Variants in SMDT1 observed in about 807,000 individuals in gnomAD.
SMDT1 encodes single-pass membrane protein with aspartate rich tail 1, also known as essential MCU regulator, mitochondrial.
A neutral mutation model predicts 5.9 loss-of-function variants in SMDT1; 6 were observed. That is an observed-to-expected ratio of 1.03 (90% confidence interval 0.56 to 2.02). The LOEUF is 2.02. Among genes scored for constraint, SMDT1 ranks in the 30% most tolerant of loss-of-function variants. The pLI is 0.00. For missense variants in SMDT1, 159 were observed against 145.6 expected (o/e 1.09, Z -0.47); for synonymous variants, 81 against 62.4 (o/e 1.30, Z -1.40).
Position 42,079,907 on chromosome 22 carries a change from T to A in SMDT1, c.139T>A (p.Ser47Thr), listed in dbSNP as rs376503940. The A allele has an allele frequency of 1.1e-5, 17 of 1,613,612 alleles. No homozygotes were observed. The highest frequency in any genetic ancestry group is 2.7e-5 in the African/African-American group (2 of 74,888). Reference protein sequence around the residue: ...GSGRSLVPSRSVIVTRSGAIL... With the variant: ...GSGRSLVPSRTVIVTRSGAIL... ...AGGCCGGAGCCTGGTACCGTCGAGG[T>A]CAGTCATCGTTACCCGCAGCGGCGC... Residue 47 changes from serine to threonine, a missense_variant, in exon 1 of 3, where the codon TCA becomes ACA. Ser to Thr is a moderately conservative substitution (Grantham distance 58). Coordinates refer to ENST00000331479, the MANE Select transcript of SMDT1 (RefSeq NM_033318.5).
chr22:42,079,736 G>T lies in SMDT1; in HGVS notation c.-33G>T. The T allele has an allele frequency of 6.3e-7, 1 of 1,584,076 alleles. No individual in the cohort carries two copies. ...CGGCACGAGGGCTGGGCGGTGGGGTGCGGGTGCCCGGGTGAGGGGCGGAGC... is the reference window on the plus strand; with the variant it reads ...CGGCACGAGGGCTGGGCGGTGGGGTTCGGGTGCCCGGGTGAGGGGCGGAGC... On this transcript the variant is annotated 5_prime_UTR_variant, in exon 1 of 3. Transcript: ENST00000331479.
intron 1 of SMDT1, among the ~76,000 whole-genome samples, chr22:42,081,041 C>T (rs1187525625): frequency 4.6e-5 from 7 of 152,258 alleles, no homozygotes; most frequent in South Asian, 4.1e-4. Flanking sequence ...CTGGTGCACC[C>T]GATTGCCTGT....
At chr22:42,082,156 G>A in intron 2 of SMDT1, 91 bp downstream of exon 2, 3 of 1,498,576 alleles carry the variant, frequency 2.0e-6, no homozygotes, top group South Asian at 2.4e-5. Context: ...TTTGGACACT[G>A]GGGGCAGAAG....
chr22:42,080,323 T>C (rs1253864536), intron 1 of SMDT1, among the ~76,000 whole-genome samples: 1 of 152,208 alleles, frequency 6.6e-6, no homozygotes, highest in Non-Finnish European at 1.5e-5. Context: ...GAAAGGACTC[T>C]GTAAATAAAG....
chr22:42,082,107 G>T (rs781482157), intron 2 of SMDT1, 42 bp downstream of exon 2: 1 of 1,601,418 alleles, frequency 6.2e-7, no homozygotes, highest in South Asian at 1.1e-5. Flanking sequence ...AAGCAGGGTG[G>T]AGCATCTGTC....
intron 1 of SMDT1, among the ~76,000 whole-genome samples, 165 bp downstream of exon 1, chr22:42,080,119 G>A (rs1927662515): frequency 6.6e-6 from 1 of 152,194 alleles, no homozygotes; most frequent in South Asian, 2.1e-4. Flanking sequence ...TGACAGGTGT[G>A]TAGAAAATGG....
intron 2 of SMDT1, 76 bp downstream of exon 2, chr22:42,082,141 C>G (rs1927837638): frequency 1.3e-6 from 2 of 1,566,784 alleles, no homozygotes; most frequent in Non-Finnish European, 1.7e-6. Context: ...GGCCTGGTAG[C>G]AGCATTTGGA....
intron 1 of SMDT1, among the ~76,000 whole-genome samples, chr22:42,081,547 G>A (rs750081526): frequency 3.3e-5 from 5 of 151,576 alleles, no homozygotes; most frequent in Non-Finnish European, 7.4e-5. Context: ...TGCAACTTCT[G>A]CCTCCTGGAT....
In SMDT1 at chr22:42,079,702, T is replaced by TCCCGAGGGCGG. The variant is rs1927589369; in HGVS notation, c.-65_-55dup. On this transcript the variant is annotated 5_prime_UTR_variant, in exon 1 of 3. Transcript: ENST00000331479. ...CTCGCGAGGCTTCGGGCGGCTTTCT[T>TCCCGAGGGCGG]CCCGAGGGCGGCACGAGGGCTGGGC... 3 of 1,517,964 alleles carry TCCCGAGGGCGG rather than the reference T, an allele frequency of 2.0e-6. No homozygotes were observed. 94.0% of individuals were successfully genotyped at this position (1,517,964 alleles called of 1,614,324 possible).
Position 42,083,946 on chromosome 22 carries a change from G to A in SMDT1, c.*831G>A, listed in dbSNP as rs1927982654. 6.6e-6 allele frequency: 1 copy of A among 152,164 alleles called. No individual in the cohort carries two copies. Among genetic ancestry groups the A allele is most frequent in the South Asian group, 2.1e-4 (1 of 4,828 alleles). 9.4% of individuals were successfully genotyped at this position (152,164 alleles called of 1,614,324 possible). On this transcript the variant is annotated 3_prime_UTR_variant, in exon 3 of 3. Transcript: ENST00000331479. ...TACCTTGTCTGATTTTAGGTCATGA[G>A]ACCCCCATTTCAGAAGGGATTCTGC...
At chr22:42,081,189 G>A (rs1188867461) in intron 1 of SMDT1, among the ~76,000 whole-genome samples, 5 of 149,058 alleles carry the variant, frequency 3.4e-5, no homozygotes, top group Admixed American at 1.3e-4. Context: ...TTTTTGAGAC[G>A]GAGTCTCACT....
At position 42,079,744 on chromosome 22, in the gene SMDT1, C is replaced by T; in HGVS notation, c.-25C>T. 1 of 1,589,754 alleles carries T rather than the reference C, an allele frequency of 6.3e-7. No individual in the cohort carries two copies. Among genetic ancestry groups the T allele is most frequent in the Non-Finnish European group, 8.5e-7 (1 of 1,171,678 alleles). ...GGGCTGGGCGGTGGGGTGCGGGTGCCCGGGTGAGGGGCGGAGCTGGGGGCA... is the reference window on the plus strand; with the variant it reads ...GGGCTGGGCGGTGGGGTGCGGGTGCTCGGGTGAGGGGCGGAGCTGGGGGCA... On this transcript the variant is annotated 5_prime_UTR_variant, in exon 1 of 3. Coordinates refer to ENST00000331479, the MANE Select transcript of SMDT1 (RefSeq NM_033318.5).
rs1264871679 is a variant in SMDT1 at position 42,084,135 on chromosome 22, T to G, written c.*1020T>G. Reference sequence around the variant, plus strand: ...CATAAAAGGCCCAAGAAGACAGGTTTAGAGAGCTTTCGGAGAACAGAACAC... The same window carrying G: ...CATAAAAGGCCCAAGAAGACAGGTTGAGAGAGCTTTCGGAGAACAGAACAC... On this transcript the variant is annotated 3_prime_UTR_variant, in exon 3 of 3. Transcript: ENST00000331479. The G allele has an allele frequency of 6.6e-6, 1 of 152,260 alleles. No homozygotes were observed. Among genetic ancestry groups the G allele is most frequent in the Non-Finnish European group, 1.5e-5 (1 of 68,072 alleles). The allele number at this position is 152,260 out of a possible 1,614,324, so 9.4% of individuals were successfully genotyped here. A position where few individuals can be genotyped will look rare whatever the true frequency, so the allele number is the denominator to read the frequency against.
chr22:42,080,045 C>T lies in SMDT1; in HGVS notation c.186+91C>T, dbSNP rs1357192358. Reference sequence around the variant, plus strand: ...CGGCGCTGATTGATAGGAGCCAAGGCCAATCATAACGATTACCGTAGACTG... The same window carrying T: ...CGGCGCTGATTGATAGGAGCCAAGGTCAATCATAACGATTACCGTAGACTG... On this transcript the variant is annotated intron_variant, in intron 1 of 2. Coordinates refer to ENST00000331479, the MANE Select transcript of SMDT1 (RefSeq NM_033318.5). 3 of 1,350,266 alleles carry T rather than the reference C, an allele frequency of 2.2e-6. No individual in the cohort carries two copies. The South Asian group carries it at 4.2e-5, about 19-fold the overall frequency. 83.6% of individuals were successfully genotyped at this position (1,350,266 alleles called of 1,614,324 possible).
Position 42,079,778 on chromosome 22 carries a change from G to T in SMDT1, c.10G>T (p.Gly4Ter). Residue 4 changes from glycine (G) to a stop codon, truncating the protein, a stop_gained, in exon 1 of 3, where the codon GGA becomes TGA. Transcript: ENST00000331479. LOFTEE classifies it high-confidence loss of function. ...GGGCGGAGCTGGGGGCATGGCGTCC[G>T]GAGCGGCTCGCTGGCTAGTATTGGC... MAS[G>*]AARWLVLAPV... 6.2e-7 allele frequency: 1 copy of T among 1,605,740 alleles called. No homozygotes were observed. The highest frequency in any genetic ancestry group is 8.5e-7 in the Non-Finnish European group (1 of 1,178,274).
Position 42,082,063 on chromosome 22 carries a change from C to A in SMDT1, c.*1C>A. ...AGAGGATGATGATGATGATGACTAA[C>A]AGGTAAGACTTGCTTTACCCTAGAT... is the stretch of plus-strand genomic sequence containing the variant. On this transcript the variant is annotated splice_region_variant and 3_prime_UTR_variant, in exon 2 of 3. Coordinates refer to ENST00000331479, the MANE Select transcript of SMDT1 (RefSeq NM_033318.5). 1 of 1,611,106 alleles carries A rather than the reference C, an allele frequency of 6.2e-7. No individual in the cohort carries two copies. The highest frequency in any genetic ancestry group is 8.5e-7 in the Non-Finnish European group (1 of 1,180,008).
chr22:42,081,895 G>A (rs1283688132), intron 1 of SMDT1, 30 bp from the exon 2 acceptor site: 2 of 1,612,616 alleles, frequency 1.2e-6, no homozygotes, highest in African/African-American at 1.3e-5. Flanking sequence ...GGGCTCTGGA[G>A]CTCACAGCTG....
chr22:42,080,659 TAAA>T (rs1213642842), intron 1 of SMDT1, among the ~76,000 whole-genome samples: 1 of 152,162 alleles, frequency 6.6e-6, no homozygotes, highest in Non-Finnish European at 1.5e-5. Flanking sequence ...GTGTGGGAGT[TAAA>T]AAAACAAATT....
chr22:42,081,618 GC>G (rs1314076085), intron 1 of SMDT1, among the ~76,000 whole-genome samples: 1 of 151,628 alleles, frequency 6.6e-6, no homozygotes. Context: ...GCACCACCAT[GC>G]TGGGTCAATT....
Sources: gnomAD v4.1 joint callset for allele counts (sites outside exome capture counted in the v4.1 genomes callset) on GRCh38, gnomAD v4.1.1 for gene constraint, MANE v1.5 for transcripts, NCBI Gene and HGNC (gene_info 2026-07-23, HGNC 2026-07-21) for gene names.